Variants in CPM observed in about 807,000 individuals in gnomAD.
CPM encodes carboxypeptidase M.
A neutral mutation model predicts 46.4 loss-of-function variants in CPM; 35 were observed. The observed-to-expected ratio is 0.75, with a 90% CI of 0.58 to 1.00. The LOEUF (loss-of-function observed/expected upper bound fraction) is 1.00, where lower values mean the gene tolerates loss of function less well. Among genes scored for constraint, CPM ranks in the 50% least tolerant of loss-of-function variants. CPM has a pLI of 0.00. For synonymous variants in CPM, 195 were observed against 195.3 expected (o/e 1.00, Z 0.01); for missense variants, 422 against 530.4 (o/e 0.80, Z 2.01).
rs145018236 is a variant in CPM, at chr12:68,911,726, T to C, written c.160+20952A>G. Among the ~76,000 whole-genome samples the C allele has an allele frequency of 2.1e-3, 314 of 152,342 alleles. 3 individuals are homozygous for C. The highest frequency in any genetic ancestry group is 6.9e-3 in the African/African-American group (286 of 41,584). The stretch of plus-strand genomic sequence containing the variant: ...TCATATTCTGAGCACTTTATGTTTA[T>C]TAACTTATTTAGCCCTCTCGACAAC... On this transcript the variant is annotated intron_variant, in intron 2 of 8. Coordinates refer to ENST00000551568, the MANE Select transcript of CPM (RefSeq NM_198320.5).
intron 3 of CPM, among the ~76,000 whole-genome samples, chr12:68,881,475 A>T (rs962318360): frequency 1.3e-5 from 2 of 152,210 alleles, no homozygotes; most frequent in African/African-American, 4.8e-5. Flanking sequence ...ATTTGAGGAC[A>T]ATTGGAGAAA....
At chr12:68,933,029 GCCTCGGTGC>G (rs1462473651) in intron 1 of CPM, 104 bp downstream of exon 1, 34 of 533,070 alleles carry the variant, frequency 6.4e-5, no homozygotes, top group South Asian at 6.1e-4. Context: ...AGCACGGGCA[GCCTCGGTGC>G]CCTCGACCCA....
At chr12:68,923,160 A>AGT (rs869087872) in intron 2 of CPM, among the ~76,000 whole-genome samples, 3,100 of 45,282 alleles carry the variant, frequency 0.068, 41 homozygotes, top group Non-Finnish European at 0.094. Flanking sequence ...TTTGATATAG[A>AGT]GTGTGTGTGT....
At chr12:68,903,180 T>G (rs1592678576) in intron 2 of CPM, among the ~76,000 whole-genome samples, 1 of 152,244 alleles carries the variant, frequency 6.6e-6, no homozygotes, top group East Asian at 1.9e-4. Flanking sequence ...TTTTGGGAAT[T>G]GCTAAATTTC....
intron 8 of CPM, among the ~76,000 whole-genome samples, chr12:68,856,905 A>G (rs545814739): frequency 6.6e-6 from 1 of 152,340 alleles, no homozygotes; most frequent in African/African-American, 2.4e-5. Flanking sequence ...ACAAAATGAA[A>G]TAAGGACAGA....
At chr12:68,872,022 G>A (rs779639489) in intron 3 of CPM, 66 bp from the exon 4 acceptor site, 322 of 1,541,940 alleles carry the variant, frequency 2.1e-4, no homozygotes, top group Admixed American at 4.5e-4. Context: ...CACTCCCTAC[G>A]GTACAAATTC....
chr12:68,962,381 G>T (rs1889137601), intron 1 of CPM, among the ~76,000 whole-genome samples: 2 of 151,940 alleles, frequency 1.3e-5, no homozygotes, highest in African/African-American at 2.4e-5. Flanking sequence ...GAAGCAAAAG[G>T]TTTTCTCTGA....
Position 68,869,423 on chromosome 12 carries a change from G to C in CPM, c.689C>G (p.Ala230Gly). Reference sequence around the variant, plus strand: ...TTTCTTCATGTTGGGATTTCTTGAAGCATAGGTATGTGCAAGATATTGAAA... The same window carrying C: ...TTTCTTCATGTTGGGATTTCTTGAACCATAGGTATGTGCAAGATATTGAAA... ...DVFQYLAHTYASRNPNMKKGD... is the reference protein window; with the variant it reads ...DVFQYLAHTYGSRNPNMKKGD... The change falls in exon 6 of 9, where the codon GCT becomes GGT. Residue 230 changes from alanine to glycine, a missense_variant. Transcript: ENST00000551568. 6.2e-7 allele frequency: 1 copy of C among 1,614,074 alleles called. No homozygotes were observed. Among genetic ancestry groups the C allele is most frequent in the East Asian group, 2.2e-5 (1 of 44,866 alleles).
At position 68,904,323 on chromosome 12, in the gene CPM, T is replaced by C. The variant is rs73340444; in HGVS notation, c.161-18434A>G. On this transcript the variant is annotated intron_variant, in intron 2 of 8. Transcript: ENST00000551568. The stretch of plus-strand genomic sequence containing the variant: ...GTCTCATAATGGACTGATGTATCCC[T>C]AGCTCATCTCAAGTCTGCTGGGACA... Among the ~76,000 whole-genome samples, 974 of 152,336 alleles carry C rather than the reference T, an allele frequency of 6.4e-3. 7 individuals carry two copies. The highest frequency in any genetic ancestry group is 0.022 in the African/African-American group (905 of 41,576).
intron 2 of CPM, among the ~76,000 whole-genome samples, chr12:68,922,711 T>A (rs1888087868): frequency 6.6e-6 from 1 of 151,860 alleles, no homozygotes; most frequent in Non-Finnish European, 1.5e-5. Flanking sequence ...ATAGAAAATG[T>A]GTATTTTTAA....
intron 2 of CPM, among the ~76,000 whole-genome samples, chr12:68,886,519 C>G (rs1459755550): frequency 6.6e-6 from 1 of 152,150 alleles, no homozygotes; most frequent in Non-Finnish European, 1.5e-5. Flanking sequence ...GTAGTCCCAG[C>G]TACTCGGGAG....
At chr12:68,958,107 T>C (rs1205198595) in intron 1 of CPM, among the ~76,000 whole-genome samples, 2 of 152,214 alleles carry the variant, frequency 1.3e-5, no homozygotes, top group African/African-American at 4.8e-5. Context: ...GACATTTGGG[T>C]TGGTTCCAAG....
chr12:68,899,642 G>C (rs1351671550), intron 2 of CPM, among the ~76,000 whole-genome samples: 1 of 152,158 alleles, frequency 6.6e-6, no homozygotes, highest in Non-Finnish European at 1.5e-5. Context: ...ACATAAAATT[G>C]GTTCAATATG....
At chr12:68,889,059 G>A (rs1330829599) in intron 2 of CPM, among the ~76,000 whole-genome samples, 1 of 152,190 alleles carries the variant, frequency 6.6e-6, no homozygotes, top group Admixed American at 6.5e-5. Context: ...GCCAATTCCT[G>A]AGCCCCAGTC....
chr12:68,890,069 C>T (rs544106046), intron 2 of CPM, among the ~76,000 whole-genome samples: 36 of 152,184 alleles, frequency 2.4e-4, no homozygotes, highest in African/African-American at 7.2e-4. Context: ...TGCTTCACAC[C>T]GCCTCGTGTT....
rs527263041 is a variant in CPM at position 68,914,926 on chromosome 12, A to G, written c.160+17752T>C. ...TCAGTTTCCTATCTGTAAAACAGGGATAATACTACCTATTATTTAATAGGT... is the reference window on the plus strand; with the variant it reads ...TCAGTTTCCTATCTGTAAAACAGGGGTAATACTACCTATTATTTAATAGGT... On this transcript the variant is annotated intron_variant, in intron 2 of 8. Transcript: ENST00000551568. Among the ~76,000 whole-genome samples the G allele has an allele frequency of 2.0e-5, 3 of 152,334 alleles. No homozygotes were observed. In the South Asian group the frequency reaches 6.2e-4, roughly 32 times the overall value.
downstream of CPM, chr12:68,849,999 C>T (rs1261810381): frequency 6.6e-6 from 1 of 152,200 alleles, no homozygotes; most frequent in Admixed American, 6.6e-5. Context: ...ACAAAAAACC[C>T]TTGGCTGGGG....
intron 1 of CPM, among the ~76,000 whole-genome samples, chr12:68,955,093 G>T (rs1888991506): frequency 6.6e-6 from 1 of 152,108 alleles, no homozygotes; most frequent in South Asian, 2.1e-4. Flanking sequence ...GGCAGGTGTG[G>T]AATCCGGGCC....
Position 68,853,727 on chromosome 12 carries a change from AAAG to A in CPM, c.*2707_*2709del, listed in dbSNP as rs1489423576. ...ACTGGGGATTAAGTAAAAAAAAGAGAAAGAAGGATGGGAAGGGGAGGGAAGGGG... is the reference window on the plus strand; with the variant it reads ...ACTGGGGATTAAGTAAAAAAAAGAGAAAGGATGGGAAGGGGAGGGAAGGGG... On this transcript the variant is annotated 3_prime_UTR_variant, in exon 9 of 9. Coordinates refer to ENST00000551568, the MANE Select transcript of CPM (RefSeq NM_198320.5). The A allele has an allele frequency of 1.3e-5, 2 of 151,716 alleles. No individual in the cohort carries two copies. The highest frequency in any genetic ancestry group is 2.9e-5 in the Non-Finnish European group (2 of 67,966). The allele number at this position is 151,716 out of a possible 1,614,324, so 9.4% of individuals were successfully genotyped here. A position where few individuals can be genotyped will look rare whatever the true frequency, so the allele number is the denominator to read the frequency against.
Sources: gnomAD v4.1 joint callset for allele counts (sites outside exome capture counted in the v4.1 genomes callset) on GRCh38, gnomAD v4.1.1 for gene constraint, MANE v1.5 for transcripts, NCBI Gene and HGNC (gene_info 2026-07-23, HGNC 2026-07-21) for gene names.